PRPF19: variants seen among roughly 807,000 people sequenced by gnomAD.
PRPF19 encodes the protein pre-mRNA-processing factor 19.
Under a neutral mutation model 64.2 loss-of-function variants are expected in PRPF19, and 2 were observed. That is an observed-to-expected ratio of 0.03 (90% confidence interval 0.01 to 0.10). PRPF19 has a LOEUF of 0.10. PRPF19 is among the 10% of genes least tolerant of loss of function. PRPF19 has a pLI of 1.00. For missense variants in PRPF19, 314 were observed against 650.0 expected (o/e 0.48, Z 5.62); for synonymous variants, 226 against 251.6 (o/e 0.90, Z 0.96).
chr11:60,903,418 C>G, intron 3 of PRPF19, 41 bp downstream of exon 3: 1 of 1,573,668 alleles, frequency 6.4e-7, no homozygotes, highest in Non-Finnish European at 8.7e-7. Flanking sequence ...AATGCATTCT[C>G]TTCAAGTGGG....
chr11:60,899,752 C>T (rs1289026891), intron 10 of PRPF19, among the ~76,000 whole-genome samples: 1 of 152,184 alleles, frequency 6.6e-6, no homozygotes, highest in Non-Finnish European at 1.5e-5. Flanking sequence ...GTGCATTCCA[C>T]TTTTATGGAT....
chr11:60,902,338 A>G lies in PRPF19; in HGVS notation c.525+65T>C. The G allele has an allele frequency of 6.5e-7, 1 of 1,532,494 alleles. No homozygotes were observed. The highest frequency in any genetic ancestry group is 9.0e-7 in the Non-Finnish European group (1 of 1,108,662). 94.9% of individuals were successfully genotyped at this position (1,532,494 alleles called of 1,614,324 possible). A position where few individuals can be genotyped will look rare whatever the true frequency, so the allele number is the denominator to read the frequency against. On this transcript the variant is annotated intron_variant, in intron 6 of 15. Coordinates refer to ENST00000227524, the MANE Select transcript of PRPF19 (RefSeq NM_014502.5). The surrounding 1 kb of genome is among the most constrained non-coding windows in gnomAD (Gnocchi z 5.0). ...AGCACAGTGATTTTAGTCACGATGG[A>G]CTCCAGACAGATGGTGAAAAGTAAG...
chr11:60,898,004 G>A lies in PRPF19; in HGVS notation c.1312-53C>T. 3 of 1,607,434 alleles carry A rather than the reference G, an allele frequency of 1.9e-6. No individual in the cohort carries two copies. The highest frequency in any genetic ancestry group is 2.6e-6 in the Non-Finnish European group (3 of 1,174,818). On this transcript the variant is annotated intron_variant, in intron 14 of 15. Coordinates refer to ENST00000227524, the MANE Select transcript of PRPF19 (RefSeq NM_014502.5). This position sits in a 1 kb window ranked among gnomAD's most constrained non-coding sequence, Gnocchi z 4.6. ...ACACAAGGGGAACAGAAACTATGGG[G>A]CAGTTGCGGATAAGCAGAAGCAATT...
chr11:60,897,009 A>C (rs1225517905), intron 15 of PRPF19, among the ~76,000 whole-genome samples: 1 of 152,204 alleles, frequency 6.6e-6, no homozygotes, highest in Admixed American at 6.5e-5. Flanking sequence ...GTTTTTTATG[A>C]ATTTAGTAAA....
At chr11:60,896,182 A>G (rs553347846) in intron 15 of PRPF19, among the ~76,000 whole-genome samples, 1 of 152,348 alleles carries the variant, frequency 6.6e-6, no homozygotes, top group African/African-American at 2.4e-5. Flanking sequence ...AGGTATGCCT[A>G]TACTATACTT....
chr11:60,906,210 C>A (rs1346046560), intron 1 of PRPF19, among the ~76,000 whole-genome samples, 154 bp downstream of exon 1: 1 of 152,014 alleles, frequency 6.6e-6, no homozygotes, highest in Non-Finnish European at 1.5e-5. Context: ...CCCGCTCCGA[C>A]GGGGGGGGCT....
chr11:60,903,344 G>A lies in PRPF19; in HGVS notation c.246+115C>T, dbSNP rs971693229. On this transcript the variant is annotated intron_variant, in intron 3 of 15. Coordinates refer to ENST00000227524, the MANE Select transcript of PRPF19 (RefSeq NM_014502.5). ...ACAACGAAGAATAAAACAAATCCCT[G>A]ATGTCACAAAGTTTACCCTCTAAAT... 2.7e-5 allele frequency: 30 copies of A among 1,126,518 alleles called. No homozygotes were observed. The Admixed American group carries it at 3.8e-4, about 14-fold the overall frequency. 69.8% of individuals were successfully genotyped at this position (1,126,518 alleles called of 1,614,324 possible). A position where few individuals can be genotyped will look rare whatever the true frequency, so the allele number is the denominator to read the frequency against.
chr11:60,893,562 A>G (rs1010062125), intron 15 of PRPF19, among the ~76,000 whole-genome samples: 1 of 152,084 alleles, frequency 6.6e-6, no homozygotes, highest in African/African-American at 2.4e-5. Context: ...ATGTACAGAC[A>G]TATCTCAGGG....
At chr11:60,891,574 T>C (rs377481050) in intron 15 of PRPF19, among the ~76,000 whole-genome samples, 2 of 152,218 alleles carry the variant, frequency 1.3e-5, no homozygotes, top group African/African-American at 4.8e-5. Flanking sequence ...TGTTTATGCC[T>C]AGTGCTCACT....
Position 60,903,442 on chromosome 11 carries a change from C to G in PRPF19, c.246+17G>C, listed in dbSNP as rs778276626. 6 of 1,605,902 alleles carry G rather than the reference C, an allele frequency of 3.7e-6. No homozygotes were observed. In the Admixed American group the frequency reaches 1.0e-4, roughly 27 times the overall value. ...TCTTCAAGTGGGGAAGATGCTGATT[C>G]TCTTGCAGGAACTCACCCACTCATC... On this transcript the variant is annotated intron_variant, in intron 3 of 15. Transcript: ENST00000227524.
At chr11:60,901,603 C>T in intron 6 of PRPF19, 63 bp from the exon 7 acceptor site, 1 of 1,581,416 alleles carries the variant, frequency 6.3e-7, no homozygotes, top group Non-Finnish European at 8.7e-7. Flanking sequence ...ACATTAGATG[C>T]TGGTCACACC....
At position 60,901,407 on chromosome 11, in the gene PRPF19, G is replaced by A. The variant is rs776270365; in HGVS notation, c.568-38C>T. 6 of 1,613,966 alleles carry A rather than the reference G, an allele frequency of 3.7e-6. No homozygotes were observed. In the East Asian group the frequency reaches 1.1e-4, roughly 30 times the overall value. ...AAAGCCCCCAAAGAAGAGCAGCAATGAATCCAAGATTCAGCCGCCCTCTCT... is the reference window on the plus strand; with the variant it reads ...AAAGCCCCCAAAGAAGAGCAGCAATAAATCCAAGATTCAGCCGCCCTCTCT... On this transcript the variant is annotated intron_variant, in intron 7 of 15. Transcript: ENST00000227524.
rs752613014 is a variant in PRPF19 at position 60,902,727 on chromosome 11, G to C, written c.388+13C>G. 13 of 1,614,230 alleles carry C rather than the reference G, an allele frequency of 8.1e-6. No individual in the cohort carries two copies. The highest frequency in any genetic ancestry group is 1.1e-5 in the Non-Finnish European group (13 of 1,180,040). On this transcript the variant is annotated intron_variant, in intron 4 of 15. Transcript: ENST00000227524. This position sits in a 1 kb window ranked among gnomAD's most constrained non-coding sequence, Gnocchi z 5.0. ...CCAGCCCAGGGTGGGGGATGGCAGG[G>C]GAGAGGCTGCACCTTCTCGGGCAGC...
chr11:60,891,301 T>C (rs751637973), intron 15 of PRPF19, 38 bp from the exon 16 acceptor site: 19 of 1,487,164 alleles, frequency 1.3e-5, no homozygotes, highest in Non-Finnish European at 1.8e-5. Flanking sequence ...GAGAAGGCTT[T>C]TCCTCCTTTA....
intron 2 of PRPF19, 50 bp from the exon 3 acceptor site, chr11:60,903,585 C>T (rs747643004): frequency 3.6e-5 from 57 of 1,601,968 alleles, no homozygotes; most frequent in African/African-American, 2.7e-4. Context: ...GGGCCTCCCC[C>T]GCCATCACAT....
chr11:60,895,251 C>T (rs758028037), intron 15 of PRPF19, among the ~76,000 whole-genome samples: 59 of 152,226 alleles, frequency 3.9e-4, no homozygotes, highest in African/African-American at 1.2e-3. Context: ...GTGTACCCAC[C>T]GTCAATGATC....
At chr11:60,893,460 T>C (rs1190855946) in intron 15 of PRPF19, among the ~76,000 whole-genome samples, 1 of 150,616 alleles carries the variant, frequency 6.6e-6, no homozygotes, top group Non-Finnish European at 1.5e-5. Flanking sequence ...GCCAAGACCA[T>C]GCCATTGCAC....
At chr11:60,896,755 G>C (rs999695595) in intron 15 of PRPF19, among the ~76,000 whole-genome samples, 3 of 152,170 alleles carry the variant, frequency 2.0e-5, no homozygotes, top group Non-Finnish European at 2.9e-5. Context: ...TGGTGATCCT[G>C]ATCCTGTGTA....
chr11:60,901,880 C>T (rs1261489126), intron 6 of PRPF19, among the ~76,000 whole-genome samples: 11 of 152,182 alleles, frequency 7.2e-5, no homozygotes, highest in Admixed American at 7.2e-4. Flanking sequence ...CAGACACATG[C>T]TGACAATTTG....
Sources: gnomAD v4.1 joint callset for allele counts (sites outside exome capture counted in the v4.1 genomes callset) on GRCh38, gnomAD v4.1.1 for gene constraint, Gnocchi (gnomAD v3.1) non-coding constraint, MANE v1.5 for transcripts, NCBI Gene and HGNC (gene_info 2026-07-23, HGNC 2026-07-21) for gene names.